The following THSD4 variants were observed in gnomAD, a reference collection of about 807,000 sequenced individuals.
The protein encoded by THSD4 is thrombospondin type 1 domain containing 4.
Under a neutral mutation model 119.0 loss-of-function variants are expected in THSD4, and 69 were observed. The ratio of observed to expected loss-of-function variants is 0.58; its 90% CI spans 0.48 to 0.71. THSD4 has a LOEUF of 0.71. Among genes scored for constraint, THSD4 ranks in the 30% least tolerant of loss-of-function variants. The pLI is 0.00. For synonymous variants in THSD4, 524 were observed against 540.4 expected (o/e 0.97, Z 0.42); for missense variants, 1,393 against 1,391.1 (o/e 1.00, Z -0.02).
At position 71,400,827 on chromosome 15, in the gene THSD4, AAAAAAAG is replaced by A. The variant is rs373434010; in HGVS notation, c.1016-10853_1016-10847del. ...TGAACAGGGATATCGTATATTCCACAAAAAAAGAAAAAAAAAAAAAGAACTTGAGCCT... is the reference window on the plus strand; with the variant it reads ...TGAACAGGGATATCGTATATTCCACAAAAAAAAAAAAAAGAACTTGAGCCT... On this transcript the variant is annotated intron_variant, in intron 6 of 17. Coordinates refer to ENST00000261862, the MANE Select transcript of THSD4 (RefSeq NM_024817.3). Among the ~76,000 whole-genome samples the A allele has an allele frequency of 2.3e-3, 341 of 151,286 alleles. 4 individuals are homozygous for A. Among genetic ancestry groups the A allele is most frequent in the African/African-American group, 7.8e-3 (321 of 41,032 alleles).
intron 7 of THSD4, among the ~76,000 whole-genome samples, chr15:71,640,302 A>G (rs1046331623): frequency 3.9e-5 from 6 of 151,916 alleles, no homozygotes; most frequent in Non-Finnish European, 8.8e-5. Context: ...GGAGGTCCCA[A>G]ACCTCTGGGC....
At chr15:71,299,976 A>AAAAAAAAATATATATATATATATAT (rs1555462049) in intron 6 of THSD4, among the ~76,000 whole-genome samples, 1 of 48,320 alleles carries the variant, frequency 2.1e-5, no homozygotes, top group African/African-American at 7.7e-5. Flanking sequence ...AAAAAAAAAA[A>AAAAAAAAATATATATATATATATAT]ATATATATAT....
chr15:71,755,706 C>CAAAAAAAAAAAAAAAAAAAAAAAAAAAAA, intron 14 of THSD4, among the ~76,000 whole-genome samples: 1 of 50,280 alleles, frequency 2.0e-5, no homozygotes, highest in South Asian at 1.1e-3. Context: ...TCAGCAAAGA[C>CAAAAAAAAAAAAAAAAAAAAAAAAAAAAA]AAAAAAAAAA....
intron 6 of THSD4, among the ~76,000 whole-genome samples, chr15:71,361,846 G>C (rs1383086038): frequency 1.8e-4 from 27 of 152,168 alleles, no homozygotes; most frequent in African/African-American, 6.3e-4. Context: ...TGCTGATCTG[G>C]ACGAGTCACC....
At chr15:71,453,053 C>T (rs188802209) in intron 7 of THSD4, among the ~76,000 whole-genome samples, 13 of 152,308 alleles carry the variant, frequency 8.5e-5, no homozygotes, top group South Asian at 4.2e-4. Flanking sequence ...GAGGACACAG[C>T]GAGAAGGTGG....
intron 6 of THSD4, among the ~76,000 whole-genome samples, chr15:71,306,307 CAAAAAAAAAAAAAA>C (rs67260180): frequency 9.2e-4 from 58 of 62,942 alleles, no homozygotes; most frequent in African/African-American, 2.3e-3. Flanking sequence ...ACTCTTGCCT[CAAAAAAAAAAAAAA>C]AAAAAAAAAA....
chr15:71,705,150 G>A (rs1567110488), intron 8 of THSD4, among the ~76,000 whole-genome samples: 1 of 152,194 alleles, frequency 6.6e-6, no homozygotes. Context: ...TGGAAGGGTA[G>A]CTGGAATTCT....
At chr15:71,429,699 CAG>C (rs2140530211) in intron 7 of THSD4, among the ~76,000 whole-genome samples, 2 of 152,288 alleles carry the variant, frequency 1.3e-5, no homozygotes, top group South Asian at 4.2e-4. Context: ...TTTCTGAGCT[CAG>C]AGTTTCCTGG....
At chr15:71,285,466 A>T (rs1478982185) in intron 6 of THSD4, among the ~76,000 whole-genome samples, 1 of 152,204 alleles carries the variant, frequency 6.6e-6, no homozygotes, top group Non-Finnish European at 1.5e-5. Context: ...CACCTCCTAA[A>T]GTGTTTCTGA....
In THSD4 at chr15:71,202,845, G is replaced by T. The variant is rs543374259; in HGVS notation, c.100-12190G>T. On this transcript the variant is annotated intron_variant, in intron 3 of 17. Coordinates refer to ENST00000261862, the MANE Select transcript of THSD4 (RefSeq NM_024817.3). ...CAGGCCGATCTGAGTTTGAATTCTG[G>T]CAGCACTGCTTCCCAGCAGCGTAAC... 7.9e-5 allele frequency among the ~76,000 whole-genome samples: 12 copies of T among 152,248 alleles called. No homozygotes were observed. The South Asian group carries it at 2.3e-3, about 29-fold the overall frequency.
At chr15:71,624,423 T>G (rs532054705) in intron 7 of THSD4, among the ~76,000 whole-genome samples, 35 of 152,364 alleles carry the variant, frequency 2.3e-4, no homozygotes, top group Non-Finnish European at 4.6e-4. Flanking sequence ...ATCACATTTT[T>G]GGGGAATACT....
intron 6 of THSD4, among the ~76,000 whole-genome samples, chr15:71,369,603 G>A (rs1247958313): frequency 6.6e-6 from 1 of 152,176 alleles, no homozygotes; most frequent in Non-Finnish European, 1.5e-5. Flanking sequence ...TGTGTATGTT[G>A]AACCAGCCTT....
chr15:71,765,075 A>T lies in THSD4; in HGVS notation c.2645A>T (p.Lys882Met). Reference sequence around the variant, plus strand: ...CAGAGGGAGGTGATTTGTGTTAGAAAGAATGCAGACACCTTTGAAGTGTTG... The same window carrying T: ...CAGAGGGAGGTGATTTGTGTTAGAATGAATGCAGACACCTTTGAAGTGTTG... The part of the protein sequence containing the change: ...TQQREVICVR[K>M]NADTFEVLDP... Residue 882 changes from lysine (K) to methionine (M), a missense_variant, in exon 16 of 18, where the codon AAG becomes ATG. By Grantham distance (95) the Lys-to-Met change is moderately conservative. Transcript: ENST00000261862. 3 of 1,614,234 alleles carry T rather than the reference A, an allele frequency of 1.9e-6. No homozygotes were observed. Among genetic ancestry groups the T allele is most frequent in the Non-Finnish European group, 2.5e-6 (3 of 1,180,042 alleles).
At chr15:71,334,526 T>G (rs1320733636) in intron 6 of THSD4, among the ~76,000 whole-genome samples, 1 of 152,214 alleles carries the variant, frequency 6.6e-6, no homozygotes, top group Non-Finnish European at 1.5e-5. Flanking sequence ...GTTCATGTCA[T>G]TTTCTCATTC....
At chr15:71,603,578 G>A (rs62022823) in intron 7 of THSD4, among the ~76,000 whole-genome samples, 44,845 of 152,068 alleles carry the variant, frequency 0.29, 7,374 homozygotes, top group Non-Finnish European at 0.37. Context: ...TCTGCACCCC[G>A]CCATGGTCAG....
chr15:71,739,142 CTGGCTTTT>C, intron 11 of THSD4, among the ~76,000 whole-genome samples: 1 of 151,248 alleles, frequency 6.6e-6, no homozygotes, highest in East Asian at 1.9e-4. Flanking sequence ...GGCGTGTTAG[CTGGCTTTT>C]ACACTGACCA....
Position 71,656,439 on chromosome 15 carries a change from A to G in THSD4, c.1153-4091A>G, listed in dbSNP as rs146599463. On this transcript the variant is annotated intron_variant, in intron 7 of 17. Transcript: ENST00000261862. ...GATGGGCTAGAATATGTATTCACAC[A>G]CTGTGTATAAAGTATAATGTTAAAA... Among the ~76,000 whole-genome samples the G allele has an allele frequency of 3.5e-3, 534 of 152,356 alleles. 5 individuals carry two copies. The highest frequency in any genetic ancestry group is 6.8e-3 in the Middle Eastern group (2 of 294).
At chr15:71,442,800 C>T (rs1169560022) in intron 7 of THSD4, among the ~76,000 whole-genome samples, 1 of 148,836 alleles carries the variant, frequency 6.7e-6, no homozygotes, top group Non-Finnish European at 1.5e-5. Context: ...GCTGTTCCCT[C>T]TGCCTGGAAA....
intron 7 of THSD4, among the ~76,000 whole-genome samples, chr15:71,626,223 T>C (rs1024276828): frequency 6.6e-6 from 1 of 152,178 alleles, no homozygotes; most frequent in African/African-American, 2.4e-5. Flanking sequence ...ATTCTCAGAG[T>C]TGTTGGATTT....
Sources: gnomAD v4.1 joint callset for allele counts (sites outside exome capture counted in the v4.1 genomes callset) on GRCh38, gnomAD v4.1.1 for gene constraint, MANE v1.5 for transcripts, NCBI Gene and HGNC (gene_info 2026-07-23, HGNC 2026-07-21) for gene names.